Variants in THADA observed in about 807,000 individuals in gnomAD.
The protein encoded by THADA is THADA armadillo repeat containing.
Under a neutral mutation model 219.8 loss-of-function variants are expected in THADA, and 213 were observed. The ratio of observed to expected loss-of-function variants is 0.97; its 90% confidence interval spans 0.87 to 1.09. THADA has a LOEUF of 1.09. Ranked by LOEUF, THADA falls within the 50% of genes least tolerant of loss-of-function variation. THADA has a pLI of 0.00. For missense variants in THADA, 2,956 were observed against 2,311.3 expected, an observed-to-expected ratio of 1.28 and a Z score of -5.72; for synonymous variants, 1,018 against 828.9, an observed-to-expected ratio of 1.23 and a Z score of -3.92.
chr2:43,315,252 T>C (rs936968830), intron 31 of THADA, among the ~76,000 whole-genome samples: 3 of 152,176 alleles, frequency 2.0e-5, no homozygotes, highest in African/African-American at 7.2e-5. Context: ...CAGAATTATG[T>C]TTCATAAAAT....
intron 34 of THADA, 108 bp from the exon 35 acceptor site, chr2:43,287,169 C>T: frequency 1.0e-6 from 1 of 972,800 alleles, no homozygotes; most frequent in Non-Finnish European, 1.5e-6. Flanking sequence ...GCTCTTAGCT[C>T]AATGGGAAGA....
chr2:43,543,018 TC>T (rs1466202028), intron 20 of THADA, among the ~76,000 whole-genome samples: 2 of 62,342 alleles, frequency 3.2e-5, no homozygotes, highest in Non-Finnish European at 6.1e-5. Context: ...CCCTCCCTCC[TC>T]CCCCCTCCCC....
intron 36 of THADA, among the ~76,000 whole-genome samples, chr2:43,236,572 A>G (rs1012033025): frequency 1.3e-5 from 2 of 152,216 alleles, no homozygotes; most frequent in African/African-American, 2.4e-5. Context: ...GAATCTGCTG[A>G]GAGGCTGGGC....
chr2:43,379,706 T>A (rs1272569697), intron 29 of THADA, among the ~76,000 whole-genome samples: 1 of 152,196 alleles, frequency 6.6e-6, no homozygotes, highest in African/African-American at 2.4e-5. Flanking sequence ...CCCAACTGCT[T>A]TAAAAACTTA....
chr2:43,395,995 G>T (rs1260663833), intron 29 of THADA, among the ~76,000 whole-genome samples: 1 of 152,174 alleles, frequency 6.6e-6, no homozygotes, highest in Non-Finnish European at 1.5e-5. Flanking sequence ...GGCCTCAAGT[G>T]ATCTGTCCAG....
chr2:43,422,950 G>A (rs777022374), intron 28 of THADA, among the ~76,000 whole-genome samples: 12 of 152,132 alleles, frequency 7.9e-5, no homozygotes, highest in South Asian at 4.1e-4. Flanking sequence ...AGGCTATTTC[G>A]AATCTTACTT....
intron 22 of THADA, among the ~76,000 whole-genome samples, chr2:43,524,813 G>T (rs771401026): frequency 6.6e-6 from 1 of 152,174 alleles, no homozygotes; most frequent in Non-Finnish European, 1.5e-5. Context: ...ATTAGGAGGG[G>T]CTAAGATACC....
chr2:43,401,950 TA>T lies in THADA; in HGVS notation c.4059-3812del, dbSNP rs35038979. Among the ~76,000 whole-genome samples the T allele has an allele frequency of 7.9e-3, 1,189 of 150,764 alleles. 9 individuals are homozygous for T. Among genetic ancestry groups the T allele is most frequent in the South Asian group, 0.022 (106 of 4,788 alleles). The stretch of plus-strand genomic sequence containing the variant: ...AGTGGTTTTTTGTTGTTTTTTTTTT[TA>T]AAAAAAATTTTAAGGATCATGAAAA... On this transcript the variant is annotated intron_variant, in intron 28 of 37. Coordinates refer to ENST00000405975, the MANE Select transcript of THADA (RefSeq NM_022065.5).
At chr2:43,338,309 A>C (rs188100887) in intron 30 of THADA, among the ~76,000 whole-genome samples, 4 of 152,146 alleles carry the variant, frequency 2.6e-5, no homozygotes, top group African/African-American at 9.6e-5. Context: ...GGTGTGCGCA[A>C]CCACACCTGG....
chr2:43,507,359 A>C (rs1392356454), intron 23 of THADA, among the ~76,000 whole-genome samples: 27 of 152,342 alleles, frequency 1.8e-4, no homozygotes, highest in East Asian at 7.7e-4. Flanking sequence ...GAGCTGAAAG[A>C]AGCACACTGC....
chr2:43,278,765 A>C (rs1673010358), intron 36 of THADA, among the ~76,000 whole-genome samples: 1 of 152,232 alleles, frequency 6.6e-6, no homozygotes, highest in Non-Finnish European at 1.5e-5. Context: ...GGAGGCTTCC[A>C]GGGAACACAA....
At chr2:43,531,158 G>T (rs561786285) in intron 21 of THADA, among the ~76,000 whole-genome samples, 1 of 152,140 alleles carries the variant, frequency 6.6e-6, no homozygotes, top group African/African-American at 2.4e-5. Flanking sequence ...CATGCTGTCT[G>T]GTGTCCATTA....
At chr2:43,402,242 C>A (rs1335270053) in intron 28 of THADA, among the ~76,000 whole-genome samples, 1 of 152,092 alleles carries the variant, frequency 6.6e-6, no homozygotes, top group Non-Finnish European at 1.5e-5. Context: ...AGCTTAGAGG[C>A]GATATACAGC....
At chr2:43,499,929 T>C (rs891641170) in intron 24 of THADA, among the ~76,000 whole-genome samples, 2 of 151,802 alleles carry the variant, frequency 1.3e-5, no homozygotes, top group African/African-American at 2.4e-5. Context: ...AAATAAAAAT[T>C]TAGAGCAGAA....
chr2:43,446,963 T>C (rs1681650267), intron 26 of THADA, among the ~76,000 whole-genome samples: 1 of 152,210 alleles, frequency 6.6e-6, no homozygotes, highest in African/African-American at 2.4e-5. Flanking sequence ...CAGTATTTCT[T>C]GGCTTATAGC....
chr2:43,307,430 G>C (rs1676992063), intron 31 of THADA, among the ~76,000 whole-genome samples: 1 of 151,674 alleles, frequency 6.6e-6, no homozygotes. Flanking sequence ...CACATGCAAG[G>C]GGTGAAACTC....
intron 26 of THADA, among the ~76,000 whole-genome samples, chr2:43,441,726 T>C (rs562647972): frequency 2.6e-5 from 4 of 152,204 alleles, no homozygotes; most frequent in African/African-American, 7.2e-5. Context: ...GGACTGCCCA[T>C]GTAAGGTCTG....
chr2:43,520,687 C>T (rs1692288278), intron 22 of THADA, among the ~76,000 whole-genome samples: 1 of 142,382 alleles, frequency 7.0e-6, no homozygotes, highest in Non-Finnish European at 1.5e-5. Context: ...AAGACCCTAT[C>T]TCAAATATTT....
intron 36 of THADA, among the ~76,000 whole-genome samples, chr2:43,240,980 G>T (rs566486803): frequency 1.3e-5 from 2 of 152,208 alleles, no homozygotes; most frequent in Non-Finnish European, 2.9e-5. Context: ...CCTCGTCCCT[G>T]TCTGTGCCCT....
Sources: allele counts gnomAD v4.1 joint callset (sites outside exome capture counted in the v4.1 genomes callset), GRCh38; gene constraint gnomAD v4.1.1; transcripts MANE v1.5; gene names NCBI Gene and HGNC (gene_info 2026-07-23, HGNC 2026-07-21).